The following CACUL1 variants were observed in gnomAD, a reference collection of about 807,000 sequenced individuals.
CACUL1 encodes the protein CDK2 associated cullin domain 1.
A neutral mutation model predicts 45.2 loss-of-function variants in CACUL1; 13 were observed. The ratio of observed to expected loss-of-function variants is 0.29; its 90% CI spans 0.19 to 0.46. The LOEUF (loss-of-function observed/expected upper bound fraction) is 0.46. Ranked by LOEUF, CACUL1 falls within the 20% of genes least tolerant of loss-of-function variation. CACUL1 has a pLI of 1.00. For synonymous variants in CACUL1, 197 were observed against 174.2 expected (o/e 1.13, Z -1.03); for missense variants, 421 against 471.4 (o/e 0.89, Z 0.99).
intron 1 of CACUL1, among the ~76,000 whole-genome samples, chr10:118,735,349 T>C (rs914980188): frequency 6.6e-6 from 1 of 152,240 alleles, no homozygotes; most frequent in African/African-American, 2.4e-5. Context: ...CTTGGTCTAC[T>C]GCAGAGACTG....
chr10:118,695,534 G>T (rs1212605482), intron 5 of CACUL1, among the ~76,000 whole-genome samples: 1 of 152,188 alleles, frequency 6.6e-6, no homozygotes, highest in South Asian at 2.1e-4. Context: ...TAAGTGAGTT[G>T]AAAGTGCTTC....
chr10:118,739,207 A>AG (rs1845769562), intron 1 of CACUL1, among the ~76,000 whole-genome samples: 2 of 150,198 alleles, frequency 1.3e-5, no homozygotes, highest in Admixed American at 6.7e-5. Flanking sequence ...AAAAAAAAAA[A>AG]GGTCAGTGTT....
In CACUL1 at chr10:118,685,704, A is replaced by AAAAG. The variant is rs1845197800; in HGVS notation, c.*420_*423dup. 6.4e-6 allele frequency: 1 copy of AAAAG among 156,854 alleles called. No individual in the cohort carries two copies. The highest frequency in any genetic ancestry group is 1.9e-4 in the East Asian group (1 of 5,350). The allele number at this position is 156,854 out of a possible 1,614,324, so 9.7% of individuals were successfully genotyped here. On this transcript the variant is annotated 3_prime_UTR_variant, in exon 9 of 9. Coordinates refer to ENST00000369151, the MANE Select transcript of CACUL1 (RefSeq NM_153810.5). Reference sequence around the variant, plus strand: ...GTAATGATCTGCTTGGTTTTAAAGCAAAAGAGATCCTGACATGTGAAACCA... The same window carrying AAAAG: ...GTAATGATCTGCTTGGTTTTAAAGCAAAAGAAAGAGATCCTGACATGTGAAACCA...
At position 118,686,186 on chromosome 10, in the gene CACUL1, T is replaced by A. The variant is rs201638958; in HGVS notation, c.1070-18A>T. On this transcript the variant is annotated intron_variant, in intron 8 of 8. Coordinates refer to ENST00000369151, the MANE Select transcript of CACUL1 (RefSeq NM_153810.5). The stretch of plus-strand genomic sequence containing the variant: ...CGAGCTATCTGAAAAAACATCAGAA[T>A]AGGAAAAAGTATGAAGAGCAGACAG... 3 of 1,604,536 alleles carry A rather than the reference T, an allele frequency of 1.9e-6. No homozygotes were observed. Among genetic ancestry groups the A allele is most frequent in the East Asian group, 2.2e-5 (1 of 44,818 alleles).
rs934787043 is a variant in CACUL1 at position 118,678,281 on chromosome 10, T to TA, written c.*7846dup. On this transcript the variant is annotated 3_prime_UTR_variant, in exon 9 of 9. Transcript: ENST00000369151. Reference sequence around the variant, plus strand: ...TACAGCATGTTTGGTAATAAGTACTTACAATCAATGGTAGCCAAATTACTT... The same window carrying TA: ...TACAGCATGTTTGGTAATAAGTACTTAACAATCAATGGTAGCCAAATTACTT... 1.3e-5 allele frequency: 2 copies of TA among 152,238 alleles called. No homozygotes were observed. The highest frequency in any genetic ancestry group is 2.9e-5 in the Non-Finnish European group (2 of 68,022). The allele number at this position is 152,238 out of a possible 1,614,324, so 9.4% of individuals were successfully genotyped here.
At chr10:118,702,007 C>T in intron 4 of CACUL1, among the ~76,000 whole-genome samples, 1 of 152,204 alleles carries the variant, frequency 6.6e-6, no homozygotes, top group East Asian at 1.9e-4. Flanking sequence ...TGCATGTATA[C>T]ATCCAGATGG....
rs754484293 is a variant in CACUL1, at chr10:118,682,294, A to G, written c.*3834T>C. 2.0e-5 allele frequency: 3 copies of G among 152,262 alleles called. No individual in the cohort carries two copies. The highest frequency in any genetic ancestry group is 2.9e-5 in the Non-Finnish European group (2 of 68,050). The allele number at this position is 152,262 out of a possible 1,614,324, so 9.4% of individuals were successfully genotyped here. A position where few individuals can be genotyped will look rare whatever the true frequency, so the allele number is the denominator to read the frequency against. On this transcript the variant is annotated 3_prime_UTR_variant, in exon 9 of 9. Transcript: ENST00000369151. The stretch of plus-strand genomic sequence containing the variant: ...CAGATTAGTGTATGTTCATAAAACA[A>G]TGCTCAGTTATTTTAATAGCTGCTT...
chr10:118,710,090 ATTT>A (rs113369997), intron 3 of CACUL1, among the ~76,000 whole-genome samples: 10 of 139,916 alleles, frequency 7.1e-5, no homozygotes, highest in Non-Finnish European at 7.9e-5. Context: ...TTTGTTTGGG[ATTT>A]TTTTTTTTTT....
Position 118,691,245 on chromosome 10 carries a change from A to G in CACUL1, c.1025+20T>C, listed in dbSNP as rs767667371. 4.4e-6 allele frequency: 7 copies of G among 1,601,334 alleles called. No homozygotes were observed. The highest frequency in any genetic ancestry group is 6.0e-6 in the Non-Finnish European group (7 of 1,172,982). On this transcript the variant is annotated intron_variant, in intron 7 of 8. Transcript: ENST00000369151. ...GGAAATGGACATATTTGACCACTAA[A>G]GGAAAAAAAAACAACTTGCCTTGTA...
chr10:118,712,295 C>T (rs977892716), intron 3 of CACUL1, among the ~76,000 whole-genome samples: 14 of 152,176 alleles, frequency 9.2e-5, no homozygotes, highest in African/African-American at 2.9e-4. Context: ...CAAGTCAGTA[C>T]GTGGTGGTGC....
At chr10:118,686,795 C>T in intron 7 of CACUL1, 154 bp from the exon 8 acceptor site, 1 of 626,750 alleles carries the variant, frequency 1.6e-6, no homozygotes, top group East Asian at 2.7e-5. Context: ...CCTGATGTAC[C>T]TCACTATGCT....
At chr10:118,730,745 T>A (rs1188449700) in intron 1 of CACUL1, among the ~76,000 whole-genome samples, 2 of 152,094 alleles carry the variant, frequency 1.3e-5, no homozygotes, top group Non-Finnish European at 2.9e-5. Flanking sequence ...GACCCTCAAA[T>A]ACACACTGCC....
chr10:118,729,372 G>T lies in CACUL1; in HGVS notation c.520C>A (p.Gln174Lys). Residue 174 changes from glutamine (Q) to lysine (K), a missense_variant, in exon 3 of 9, where the codon CAG becomes AAG. By Grantham distance (53) the Gln-to-Lys change is moderately conservative. This residue lies in a region of CACUL1 where 208 missense variants were observed against 298.4 expected (regional missense o/e 0.70). Transcript: ENST00000369151. Reference sequence around the variant, plus strand: ...TCACTATACATCTGTTCCGAGTGCTGCTGGCATACACATTTATACACACAA... The same window carrying T: ...TCACTATACATCTGTTCCGAGTGCTTCTGGCATACACATTTATACACACAA... The part of the protein sequence containing the change: ...YSCVYKCVCQ[Q>K]HSEQMYSDLI... 6.2e-7 allele frequency: 1 copy of T among 1,611,564 alleles called. No homozygotes were observed. Among genetic ancestry groups the T allele is most frequent in the Non-Finnish European group, 8.5e-7 (1 of 1,179,570 alleles).
intron 1 of CACUL1, among the ~76,000 whole-genome samples, chr10:118,732,679 A>T (rs183817976): frequency 2.0e-5 from 3 of 152,044 alleles, no homozygotes; most frequent in Non-Finnish European, 2.9e-5. Context: ...ACTGGTACTA[A>T]GCTCCAGCTG....
At chr10:118,714,835 C>T (rs1034425064) in intron 3 of CACUL1, among the ~76,000 whole-genome samples, 1 of 152,114 alleles carries the variant, frequency 6.6e-6, no homozygotes, top group African/African-American at 2.4e-5. Flanking sequence ...TTCCTCACCC[C>T]GCAAGCATGT....
At chr10:118,730,684 T>C (rs1845690272) in intron 1 of CACUL1, among the ~76,000 whole-genome samples, 1 of 152,236 alleles carries the variant, frequency 6.6e-6, no homozygotes, top group South Asian at 2.1e-4. Flanking sequence ...GGCTTCCTTC[T>C]GGGTTTCCTG....
At chr10:118,743,724 C>T (rs1281279615) in intron 1 of CACUL1, among the ~76,000 whole-genome samples, 3 of 151,264 alleles carry the variant, frequency 2.0e-5, no homozygotes, top group African/African-American at 4.9e-5. Context: ...ACGGAAACTC[C>T]GTCCCCAAAA....
At chr10:118,718,833 A>AG (rs1564834306) in intron 3 of CACUL1, among the ~76,000 whole-genome samples, 1 of 152,214 alleles carries the variant, frequency 6.6e-6, no homozygotes, top group Non-Finnish European at 1.5e-5. Flanking sequence ...TCGGCCTCCC[A>AG]AAGTGCTGGG....
At chr10:118,746,153 A>G (rs1274213164) in intron 1 of CACUL1, among the ~76,000 whole-genome samples, 1 of 134,800 alleles carries the variant, frequency 7.4e-6, no homozygotes, top group Non-Finnish European at 1.5e-5. Flanking sequence ...CACTGTCTCA[A>G]AAAAAAAAAA....
Sources: gnomAD v4.1 joint callset for allele counts (sites outside exome capture counted in the v4.1 genomes callset) on GRCh38, gnomAD v4.1.1 for gene constraint, gnomAD v4.1.1 regional missense constraint, MANE v1.5 for transcripts, NCBI Gene and HGNC (gene_info 2026-07-23, HGNC 2026-07-21) for gene names.